PTBP3: variants seen among roughly 807,000 people sequenced by gnomAD.
PTBP3 encodes the protein polypyrimidine tract-binding protein 3.
PTBP3 carries 20 observed loss-of-function variants against 58.7 expected under a neutral mutation model. The observed-to-expected ratio is 0.34, with a 90% CI of 0.24 to 0.50. The LOEUF is 0.50. Ranked by LOEUF, PTBP3 falls within the 20% of genes least tolerant of loss-of-function variation. The pLI, the probability that PTBP3 is intolerant of heterozygous loss-of-function variation, is 0.98. For missense variants in PTBP3, 509 were observed against 637.2 expected, an observed-to-expected ratio of 0.80 and a Z score of 2.17; for synonymous variants, 185 against 219.8, an observed-to-expected ratio of 0.84 and a Z score of 1.40.
At chr9:112,276,153 G>T in intron 2 of PTBP3, 140 bp from the exon 3 acceptor site, 1 of 688,310 alleles carries the variant, frequency 1.5e-6, no homozygotes, top group Non-Finnish European at 2.4e-6. Flanking sequence ...GGGGGTAGGT[G>T]GAAAAGGAGA....
chr9:112,259,814 T>A (rs920019761), intron 5 of PTBP3, among the ~76,000 whole-genome samples: 13 of 152,228 alleles, frequency 8.5e-5, no homozygotes. Flanking sequence ...TACCATAATA[T>A]TCACCACATC....
the PTBP3 span, among the ~76,000 whole-genome samples, chr9:112,377,997 C>T: frequency 6.6e-6 from 1 of 152,188 alleles, no homozygotes; most frequent in Admixed American, 6.5e-5. Context: ...TTTTAAATGG[C>T]TTCTGTGCCT....
chr9:112,345,380 A>AT, the PTBP3 span, among the ~76,000 whole-genome samples: 41,806 of 113,934 alleles, frequency 0.37, 7,838 homozygotes, highest in South Asian at 0.47. Context: ...AGGAAAAAAA[A>AT]TTTTTTTTTT....
At chr9:112,262,313 T>C (rs1260926799) in intron 5 of PTBP3, 122 bp downstream of exon 5, 3 of 833,726 alleles carry the variant, frequency 3.6e-6, no homozygotes, top group Non-Finnish European at 5.0e-6. Flanking sequence ...ATGAAGTTTT[T>C]TTCATTATTT....
the PTBP3 span, among the ~76,000 whole-genome samples, chr9:112,367,869 TA>T: frequency 2.0e-5 from 3 of 152,190 alleles, no homozygotes; most frequent in African/African-American, 7.2e-5. Context: ...ATTGTTTCTT[TA>T]AATAAGTTTT....
At chr9:112,224,039 T>C in intron 13 of PTBP3, 56 bp from the exon 14 acceptor site, 1 of 1,576,362 alleles carries the variant, frequency 6.3e-7, no homozygotes. Flanking sequence ...GCTTCCAAAC[T>C]CCTTCCTCCA....
chr9:112,278,074 C>T (rs1375510798), intron 2 of PTBP3, among the ~76,000 whole-genome samples: 2 of 152,220 alleles, frequency 1.3e-5, no homozygotes, highest in East Asian at 3.9e-4. Flanking sequence ...TCACTTCTAA[C>T]TTTCAAACTG....
intron 2 of PTBP3, among the ~76,000 whole-genome samples, chr9:112,293,608 C>T (rs1397456128): frequency 3.9e-5 from 6 of 152,268 alleles, no homozygotes; most frequent in East Asian, 1.9e-4. Context: ...GTCAATGTGA[C>T]GAAGTTCTAG....
chr9:112,353,165 T>A, the PTBP3 span, among the ~76,000 whole-genome samples: 1 of 151,854 alleles, frequency 6.6e-6, no homozygotes, highest in Non-Finnish European at 1.5e-5. Context: ...CTTCCCAAAG[T>A]GCTGGGACTA....
rs1376694988 is a variant in PTBP3, at chr9:112,220,924, T to C, written c.*2927A>G. On this transcript the variant is annotated 3_prime_UTR_variant, in exon 14 of 14. Coordinates refer to ENST00000374257, the MANE Select transcript of PTBP3 (RefSeq NM_001163788.4). ...ACGGTAGATCAACAGAGAAAAACCA[T>C]TGCTAGAAGATACTGAATAAATGCA... 4 of 965,362 alleles carry C rather than the reference T, an allele frequency of 4.1e-6. No individual in the cohort carries two copies. Among genetic ancestry groups the C allele is most frequent in the Non-Finnish European group, 4.9e-6 (4 of 811,866 alleles). The allele number at this position is 965,362 out of a possible 1,614,324, so 59.8% of individuals were successfully genotyped here.
chr9:112,373,693 C>T, the PTBP3 span, among the ~76,000 whole-genome samples: 1 of 152,216 alleles, frequency 6.6e-6, no homozygotes, highest in East Asian at 1.9e-4. Context: ...TATCCTTCCC[C>T]AATCCAAATG....
the PTBP3 span, among the ~76,000 whole-genome samples, chr9:112,379,292 T>C: frequency 6.6e-6 from 1 of 152,240 alleles, no homozygotes; most frequent in Non-Finnish European, 1.5e-5. Context: ...GTTCTATCCC[T>C]ACAAAATACA....
At chr9:112,233,812 T>A (rs1186882901) in intron 8 of PTBP3, among the ~76,000 whole-genome samples, 2 of 152,026 alleles carry the variant, frequency 1.3e-5, no homozygotes, top group Admixed American at 1.3e-4. Flanking sequence ...GCACTTCTAG[T>A]CCCAGCTACT....
At chr9:112,272,573 T>A (rs1440972232) in intron 3 of PTBP3, 2 of 152,120 alleles carry the variant, frequency 1.3e-5, no homozygotes, top group Admixed American at 6.5e-5. Context: ...TATCCATCCA[T>A]CCATTTTTTT....
chr9:112,261,664 A>G (rs1333861485), intron 5 of PTBP3, among the ~76,000 whole-genome samples: 1 of 152,246 alleles, frequency 6.6e-6, no homozygotes, highest in Non-Finnish European at 1.5e-5. Context: ...TTGGGGCTAT[A>G]TGTCAAATAT....
intron 2 of PTBP3, among the ~76,000 whole-genome samples, chr9:112,289,165 G>C (rs750908289): frequency 6.6e-5 from 10 of 152,086 alleles, no homozygotes; most frequent in Non-Finnish European, 1.5e-4. Context: ...TTATAAGGAG[G>C]GGGTATGTTC....
rs759360469 is a variant in PTBP3 at position 112,222,125 on chromosome 9, A to G, written c.*1726T>C. 3 of 985,706 alleles carry G rather than the reference A, an allele frequency of 3.0e-6. No individual in the cohort carries two copies. The highest frequency in any genetic ancestry group is 1.2e-4 in the Admixed American group (2 of 16,270). 61.1% of individuals were successfully genotyped at this position (985,706 alleles called of 1,614,324 possible). ...GCAAGATATTCTTTATTCTTTTAAA[A>G]GTTGAGATGAGACACTTTGAGAATC... is the stretch of plus-strand genomic sequence containing the variant. On this transcript the variant is annotated 3_prime_UTR_variant, in exon 14 of 14. Transcript: ENST00000374257.
upstream of PTBP3, among the ~76,000 whole-genome samples, chr9:112,333,947 C>G: frequency 6.6e-6 from 1 of 150,840 alleles, no homozygotes; most frequent in East Asian, 2.0e-4. Context: ...GCCCGCCCTC[C>G]CGCGGCCCCG....
chr9:112,329,872 T>C (rs1206561486), intron 1 of PTBP3, among the ~76,000 whole-genome samples: 2 of 141,756 alleles, frequency 1.4e-5, no homozygotes, highest in African/African-American at 5.3e-5. Flanking sequence ...CTGAGACAGT[T>C]TCTCACTCCC....
Sources: allele counts gnomAD v4.1 joint callset (sites outside exome capture counted in the v4.1 genomes callset), GRCh38; gene constraint gnomAD v4.1.1; transcripts MANE v1.5; gene names NCBI Gene and HGNC (gene_info 2026-07-23, HGNC 2026-07-21).